TET3: variants seen among roughly 807,000 people sequenced by gnomAD.
TET3 encodes the protein methylcytosine dioxygenase TET3.
TET3 carries 19 observed loss-of-function variants against 141.4 expected under a neutral mutation model. The ratio of observed to expected loss-of-function variants is 0.13; its 90% CI spans 0.09 to 0.20. TET3 has a LOEUF of 0.20. TET3 is among the 10% of genes least tolerant of loss of function. The pLI, the probability that TET3 is intolerant of heterozygous loss-of-function variation, is 1.00. For missense variants in TET3, 1,874 were observed against 2,356.9 expected (o/e 0.80, Z 4.24); for synonymous variants, 1,043 against 980.9 (o/e 1.06, Z -1.18).
chr2:74,061,661 C>G lies in TET3; in HGVS notation c.2495-11888C>G, dbSNP rs549538018. Among the ~76,000 whole-genome samples, 701 of 146,214 alleles carry G rather than the reference C, an allele frequency of 4.8e-3. 6 individuals carry two copies. Among genetic ancestry groups the G allele is most frequent in the Non-Finnish European group, 7.2e-3 (474 of 66,290 alleles). ...GCAGAGACGCTCCTCACTTCCCAGA[C>G]GGGGTGGCTGCCGGGCGGAGGGGCT... On this transcript the variant is annotated intron_variant, in intron 4 of 11. Coordinates refer to ENST00000409262, the MANE Select transcript of TET3 (RefSeq NM_001287491.2).
chr2:74,003,096 G>C lies in TET3; in HGVS notation c.304-14G>C, dbSNP rs777788849. The C allele has an allele frequency of 3.0e-5, 46 of 1,550,376 alleles. 1 individual carries two copies. The South Asian group carries it at 4.3e-4, about 14-fold the overall frequency. On this transcript the variant is annotated splice_polypyrimidine_tract_variant and intron_variant, in intron 2 of 11. Coordinates refer to ENST00000409262, the MANE Select transcript of TET3 (RefSeq NM_001287491.2). ...ACCCGCCTGGCTCACACGTTCCTCT[G>C]GCTTCTTTTGCAGGTGGAAATAAAG...
intron 11 of TET3, among the ~76,000 whole-genome samples, 162 bp downstream of exon 11, chr2:74,099,774 C>T (rs1192344842): frequency 4.6e-5 from 7 of 152,122 alleles, no homozygotes; most frequent in Non-Finnish European, 1.0e-4. Flanking sequence ...TGATAGGAGG[C>T]CGTGGGGATG....
intron 4 of TET3, among the ~76,000 whole-genome samples, chr2:74,049,110 C>G (rs1012122945): frequency 3.9e-5 from 6 of 152,080 alleles, no homozygotes; most frequent in African/African-American, 1.4e-4. Context: ...AGGGCCTGGC[C>G]TGAAAGAGCC....
At chr2:74,090,769 C>G (rs1282111210) in intron 8 of TET3, among the ~76,000 whole-genome samples, 4 of 152,180 alleles carry the variant, frequency 2.6e-5, no homozygotes, top group Admixed American at 1.3e-4. Flanking sequence ...GGCAAAGGCC[C>G]TCCTGAGAGG....
intron 4 of TET3, among the ~76,000 whole-genome samples, chr2:74,065,475 A>G (rs563384560): frequency 6.6e-6 from 1 of 151,892 alleles, no homozygotes; most frequent in South Asian, 2.1e-4. Context: ...TCAACAAGAA[A>G]TATCCAGGGC....
At chr2:74,114,853 C>CAAAAAAAAAAAAAAAAAAAAAAA in the TET3 span, among the ~76,000 whole-genome samples, 28 of 43,866 alleles carry the variant, frequency 6.4e-4, 1 homozygote, top group African/African-American at 1.8e-3. Flanking sequence ...GACTCTGTCT[C>CAAAAAAAAAAAAAAAAAAAAAAA]AAAAAAAAAA....
chr2:74,111,376 C>T (rs1262733964), downstream of TET3, among the ~76,000 whole-genome samples: 1 of 152,170 alleles, frequency 6.6e-6, no homozygotes, highest in African/African-American at 2.4e-5. Context: ...AAGTCTTAAC[C>T]AAAACTGACC....
chr2:74,072,883 A>T (rs925391932), intron 4 of TET3, among the ~76,000 whole-genome samples: 6 of 152,224 alleles, frequency 3.9e-5, no homozygotes, highest in African/African-American at 1.4e-4. Flanking sequence ...TACTTGGTAT[A>T]ATGTTCTTAA....
rs1221686519 is a variant in TET3, at chr2:74,100,795, A to C, written c.4007A>C (p.Glu1336Ala). The C allele has an allele frequency of 1.2e-6, 2 of 1,612,850 alleles. No individual in the cohort carries two copies. Among genetic ancestry groups the C allele is most frequent in the Admixed American group, 1.7e-5 (1 of 59,848 alleles). Residue 1336 changes from glutamate to alanine, a missense_variant, in exon 12 of 12, where the codon GAG becomes GCG. Glu to Ala is a moderately radical substitution (Grantham distance 107). This residue lies in a region of TET3 where 602 missense variants were observed against 590.2 expected (regional missense o/e 1.02). Coordinates refer to ENST00000409262, the MANE Select transcript of TET3 (RefSeq NM_001287491.2). ...CTGAGCCCGGCCTACGGTGGTGCTGAGTTTGCCGAGCTGCCCAGCCAGGCT... is the reference window on the plus strand; with the variant it reads ...CTGAGCCCGGCCTACGGTGGTGCTGCGTTTGCCGAGCTGCCCAGCCAGGCT... ...NSLSPAYGGA[E>A]FAELPSQAVP... is the part of the protein sequence containing the mutation.
At chr2:74,097,356 A>T (rs1690912540) in intron 10 of TET3, among the ~76,000 whole-genome samples, 1 of 152,244 alleles carries the variant, frequency 6.6e-6, no homozygotes. Flanking sequence ...AGATGACTTC[A>T]TGATTTAAAA....
rs1028793669 is a variant in TET3, at chr2:74,103,599, C to G, written c.*1423C>G. The G allele has an allele frequency of 6.6e-6, 1 of 152,150 alleles. No individual in the cohort carries two copies. The highest frequency in any genetic ancestry group is 2.4e-5 in the African/African-American group (1 of 41,394). 9.4% of individuals were successfully genotyped at this position (152,150 alleles called of 1,614,324 possible). ...CCCCTCTTCATCCACTTTAATATAG[C>G]TGTTCTGAAATTCTGGTGCATTCAT... On this transcript the variant is annotated 3_prime_UTR_variant, in exon 12 of 12. Coordinates refer to ENST00000409262, the MANE Select transcript of TET3 (RefSeq NM_001287491.2).
intron 3 of TET3, among the ~76,000 whole-genome samples, chr2:74,003,429 T>G (rs968389919): frequency 1.3e-4 from 19 of 150,558 alleles, no homozygotes; most frequent in Non-Finnish European, 1.9e-4. Flanking sequence ...GAACTGTTTT[T>G]TTTTTTTTTT....
At chr2:74,010,588 CCT>C (rs937349985) in intron 3 of TET3, among the ~76,000 whole-genome samples, 9 of 152,206 alleles carry the variant, frequency 5.9e-5, no homozygotes, top group Non-Finnish European at 8.8e-5. Flanking sequence ...GGCCCCAGCC[CCT>C]GAGAGTCTGC....
chr2:73,994,845 C>T (rs1184903976), intron 2 of TET3, among the ~76,000 whole-genome samples: 1 of 152,032 alleles, frequency 6.6e-6, no homozygotes, highest in Non-Finnish European at 1.5e-5. Context: ...CCATGTTGGC[C>T]AGGCTGGTCT....
chr2:73,995,178 T>G (rs957069369), intron 2 of TET3, among the ~76,000 whole-genome samples: 2 of 152,236 alleles, frequency 1.3e-5, no homozygotes, highest in African/African-American at 4.8e-5. Flanking sequence ...CAGTCTGATC[T>G]TGAACTCCTG....
At chr2:74,061,292 G>C (rs1688529562) in intron 4 of TET3, among the ~76,000 whole-genome samples, 1 of 141,148 alleles carries the variant, frequency 7.1e-6, no homozygotes, top group Admixed American at 6.9e-5. Context: ...AGGCAGAGGG[G>C]CTCCTCACTT....
chr2:74,022,527 A>G (rs1265375277), intron 3 of TET3, among the ~76,000 whole-genome samples: 2 of 146,624 alleles, frequency 1.4e-5, no homozygotes, highest in African/African-American at 5.0e-5. Flanking sequence ...TTTTTTTTAC[A>G]TGCTTGTGTG....
chr2:74,063,902 A>AAAAT lies in TET3; in HGVS notation c.2495-9644_2495-9643insTAAA, dbSNP rs1271168490. Among the ~76,000 whole-genome samples the AAAAT allele has an allele frequency of 4.6e-5, 7 of 152,120 alleles. 1 individual carries two copies. The highest frequency in any genetic ancestry group is 1.7e-4 in the African/African-American group (7 of 41,466). The stretch of plus-strand genomic sequence containing the variant: ...AGCCCATCTCTGCAGACAAAAAAAA[A>AAAAT]AAAAAAATAAGTAAAATAGATTCTG... On this transcript the variant is annotated intron_variant, in intron 4 of 11. Transcript: ENST00000409262.
chr2:74,038,144 G>A (rs1224464207), intron 3 of TET3, among the ~76,000 whole-genome samples: 1 of 152,204 alleles, frequency 6.6e-6, no homozygotes, highest in East Asian at 1.9e-4. Flanking sequence ...TAGCCAGGCG[G>A]GGTGCAGGGT....
Sources: allele counts gnomAD v4.1 joint callset (sites outside exome capture counted in the v4.1 genomes callset), GRCh38; gene constraint gnomAD v4.1.1; regional missense constraint gnomAD v4.1.1; transcripts MANE v1.5; gene names NCBI Gene and HGNC (gene_info 2026-07-23, HGNC 2026-07-21).